MAP3K4: variants seen among roughly 807,000 people sequenced by gnomAD.
MAP3K4 encodes mitogen-activated protein kinase kinase kinase 4.
Under a neutral mutation model 185.6 loss-of-function variants are expected in MAP3K4, and 67 were observed. That is an observed-to-expected ratio of 0.36 (90% CI 0.30 to 0.44). The LOEUF (loss-of-function observed/expected upper bound fraction) is 0.44. Among genes scored for constraint, MAP3K4 ranks in the 20% least tolerant of loss-of-function variants. The probability of loss-of-function intolerance (pLI) is 1.00; values close to 1 mark genes in which losing one functional copy is unlikely to be tolerated. For missense variants in MAP3K4, 1,551 were observed against 1,995.1 expected, an observed-to-expected ratio of 0.78 and a Z score of 4.24; for synonymous variants, 702 against 710.4, an observed-to-expected ratio of 0.99 and a Z score of 0.19.
Position 161,048,355 on chromosome 6 carries a change from TAAAC to T in MAP3K4, c.344-259_344-256del. 1.6e-6 allele frequency: 1 copy of T among 640,550 alleles called. No homozygotes were observed. Among genetic ancestry groups the T allele is most frequent in the Non-Finnish European group, 3.0e-6 (1 of 338,290 alleles). 39.7% of individuals were successfully genotyped at this position (640,550 alleles called of 1,614,324 possible). ...CTATGCTTTGTAGCATAGAGAGAAA[TAAAC>T]AGCTAGTTTAGGTAATTAGTTGTGA... On this transcript the variant is annotated intron_variant, in intron 2 of 26. Transcript: ENST00000392142. This position sits in a 1 kb window ranked among gnomAD's most constrained non-coding sequence, Gnocchi z 4.7.
rs1307728757 is a variant in MAP3K4, at chr6:161,048,688, G to C, written c.416G>C (p.Ser139Thr). 5.0e-6 allele frequency: 8 copies of C among 1,613,654 alleles called. No individual in the cohort carries two copies. The highest frequency in any genetic ancestry group is 6.8e-6 in the Non-Finnish European group (8 of 1,179,828). Residue 139 changes from serine (S) to threonine (T), a missense_variant, in exon 3 of 27, where the codon AGC becomes ACC. By Grantham distance (58) the Ser-to-Thr change is moderately conservative (BLOSUM62 1). Transcript: ENST00000392142. This position sits in a 1 kb window ranked among gnomAD's most constrained non-coding sequence, Gnocchi z 4.7. ...GKTVENVEEY[S>T]YKQEKKIRAA... Reference sequence around the variant, plus strand: ...ACAGTGGAGAATGTGGAAGAATACAGCTATAAGCAGGAGAAAAAGATCCGA... The same window carrying C: ...ACAGTGGAGAATGTGGAAGAATACACCTATAAGCAGGAGAAAAAGATCCGA...
In MAP3K4 at chr6:161,115,320, A is replaced by T. The variant is rs1277550415; in HGVS notation, c.4806+18A>T. ...TTGTCAAGGTTTGGCAGATTACTGG[A>T]TAGTCTTTTTCATGTTTAAGTGTTT... On this transcript the variant is annotated intron_variant, in intron 26 of 26. Transcript: ENST00000392142. This position sits in a 1 kb window ranked among gnomAD's most constrained non-coding sequence, Gnocchi z 6.0. 6.3e-7 allele frequency: 1 copy of T among 1,594,222 alleles called. No homozygotes were observed. The highest frequency in any genetic ancestry group is 8.6e-7 in the Non-Finnish European group (1 of 1,167,710).
At position 161,086,158 on chromosome 6, in the gene MAP3K4, C is replaced by T. The variant is rs1007928953; in HGVS notation, c.2373-221C>T. Among the ~76,000 whole-genome samples, 27 of 152,138 alleles carry T rather than the reference C, an allele frequency of 1.8e-4. No homozygotes were observed. The highest frequency in any genetic ancestry group is 1.6e-3 in the Admixed American group (24 of 15,268). ...TTTGAAGGTTATTAAATGTGCCCTG[C>T]TTACATTGAAAGGATATGAATATTT... On this transcript the variant is annotated intron_variant, in intron 7 of 26. Transcript: ENST00000392142. This position sits in a 1 kb window ranked among gnomAD's most constrained non-coding sequence, Gnocchi z 4.8.
intron 23 of MAP3K4, 79 bp from the exon 24 acceptor site, chr6:161,111,757 C>A: frequency 1.5e-6 from 2 of 1,366,744 alleles, no homozygotes; most frequent in Non-Finnish European, 1.0e-6. Context: ...AATGAAGTTC[C>A]TGGTCGTTTA....
rs1374859419 is a variant in MAP3K4 at position 161,056,083 on chromosome 6, G to GT, written c.1707+6106dup. On this transcript the variant is annotated intron_variant, in intron 3 of 26. Transcript: ENST00000392142. The surrounding 1 kb of genome is among the most constrained non-coding windows in gnomAD (Gnocchi z 5.4). ...TGTTACTGATTTTGTTGCTCAGGCTGTTCTTGTTTTAGCCCATTGGAGCTC... is the reference window on the plus strand; with the variant it reads ...TGTTACTGATTTTGTTGCTCAGGCTGTTTCTTGTTTTAGCCCATTGGAGCTC... Among the ~76,000 whole-genome samples, 1 of 152,170 alleles carries GT rather than the reference G, an allele frequency of 6.6e-6. No individual in the cohort carries two copies. Among genetic ancestry groups the GT allele is most frequent in the Non-Finnish European group, 1.5e-5 (1 of 68,030 alleles).
intron 1 of MAP3K4, among the ~76,000 whole-genome samples, chr6:161,000,711 C>T (rs1781226183): frequency 6.6e-6 from 1 of 151,702 alleles, no homozygotes; most frequent in South Asian, 2.1e-4. Flanking sequence ...TATATGTGTA[C>T]ACCATATATA....
Position 161,087,902 on chromosome 6 carries a change from C to G in MAP3K4, c.2771C>G (p.Pro924Arg), listed in dbSNP as rs758821045. 33 of 1,613,964 alleles carry G rather than the reference C, an allele frequency of 2.0e-5. No individual in the cohort carries two copies. The highest frequency in any genetic ancestry group is 4.0e-5 in the African/African-American group (3 of 74,926). The change falls in exon 10 of 27, where the codon CCT becomes CGT. Residue 924 changes from proline to arginine, a missense_variant. By Grantham distance (103) the Pro-to-Arg change is moderately radical. This residue lies in a region of MAP3K4 where 261 missense variants were observed against 306.5 expected (regional missense o/e 0.85). Transcript: ENST00000392142. The surrounding 1 kb of genome is among the most constrained non-coding windows in gnomAD (Gnocchi z 4.9). ...EDSWGTWEAQ[P>R]VKVVPQVETV... ...AGCTGGGGCACCTGGGAGGCACAGC[C>G]TGTCAAAGTCGTGCCTCAGGTGGAG...
At chr6:161,026,191 C>T (rs143847229) in intron 1 of MAP3K4, among the ~76,000 whole-genome samples, 5,981 of 151,834 alleles carry the variant, frequency 0.039, 164 homozygotes, top group South Asian at 0.087. Flanking sequence ...AGTGCAGTGG[C>T]GCGATCTCGG....
intron 15 of MAP3K4, among the ~76,000 whole-genome samples, chr6:161,094,858 A>G (rs1207676564): frequency 6.6e-6 from 1 of 152,238 alleles, no homozygotes; most frequent in Non-Finnish European, 1.5e-5. Context: ...ATTTTCTGAT[A>G]TCCTAAAACA....
chr6:161,096,244 G>GA lies in MAP3K4; in HGVS notation c.3428-833dup, dbSNP rs1562537049. On this transcript the variant is annotated intron_variant, in intron 15 of 26. Transcript: ENST00000392142. This position sits in a 1 kb window ranked among gnomAD's most constrained non-coding sequence, Gnocchi z 4.9. ...TATTAATAGGAAACAAAATCATGAA[G>GA]AAACAGGATTTCCATTTAGGATAAA... 6.6e-6 allele frequency among the ~76,000 whole-genome samples: 1 copy of GA among 151,640 alleles called. No individual in the cohort carries two copies. Among genetic ancestry groups the GA allele is most frequent in the African/African-American group, 2.4e-5 (1 of 41,084 alleles).
rs1214785705 is a variant in MAP3K4 at position 161,080,385 on chromosome 6, A to G, written c.2098-496A>G. Among the ~76,000 whole-genome samples, 1 of 152,166 alleles carries G rather than the reference A, an allele frequency of 6.6e-6. No homozygotes were observed. The highest frequency in any genetic ancestry group is 1.5e-5 in the Non-Finnish European group (1 of 68,032). ...CTGGATATTTTGGTTTTAGATCATC[A>G]TTTATATGTTGCAAGCCTTGAAAAC... On this transcript the variant is annotated intron_variant, in intron 5 of 26. Coordinates refer to ENST00000392142, the MANE Select transcript of MAP3K4 (RefSeq NM_005922.4). The surrounding 1 kb of genome is among the most constrained non-coding windows in gnomAD (Gnocchi z 4.8).
chr6:160,991,927 C>T lies in MAP3K4; in HGVS notation c.-5C>T. On this transcript the variant is annotated 5_prime_UTR_variant, in exon 1 of 27. Transcript: ENST00000392142. This position sits in a 1 kb window ranked among gnomAD's most constrained non-coding sequence, Gnocchi z 5.7. Reference sequence around the variant, plus strand: ...CGCCGCGGCCATGCGGGGCTCCGTGCACGGATGAGAGAAGCCGCTGCCGCG... The same window carrying T: ...CGCCGCGGCCATGCGGGGCTCCGTGTACGGATGAGAGAAGCCGCTGCCGCG... The T allele has an allele frequency of 1.3e-6, 2 of 1,533,000 alleles. No individual in the cohort carries two copies. The highest frequency in any genetic ancestry group is 1.7e-6 in the Non-Finnish European group (2 of 1,147,990). 95.0% of individuals were successfully genotyped at this position (1,533,000 alleles called of 1,614,324 possible). A position where few individuals can be genotyped will look rare whatever the true frequency, so the allele number is the denominator to read the frequency against.
Position 161,098,348 on chromosome 6 carries a change from GC to G in MAP3K4, c.3596del (p.Ala1199ValfsTer40). The G allele has an allele frequency of 6.2e-7, 1 of 1,612,900 alleles. No homozygotes were observed. The highest frequency in any genetic ancestry group is 8.5e-7 in the Non-Finnish European group (1 of 1,179,790). On this transcript the variant is annotated frameshift_variant, in exon 17 of 27. Coordinates refer to ENST00000392142, the MANE Select transcript of MAP3K4 (RefSeq NM_005922.4). LOFTEE classifies it high-confidence loss of function. The surrounding 1 kb of genome is among the most constrained non-coding windows in gnomAD (Gnocchi z 4.4). ...PAAAAAAAAA[A>X]VAASRPSPSG... Reference sequence around the variant, plus strand: ...TGCTGCTGCTGCTGCTGCTGCTGCTGCTGTTGCTGCCAGTCGGCCCAGCCCC... The same window carrying G: ...TGCTGCTGCTGCTGCTGCTGCTGCTGTGTTGCTGCCAGTCGGCCCAGCCCC...
At chr6:161,046,486 T>G (rs897281408) in intron 2 of MAP3K4, among the ~76,000 whole-genome samples, 21 of 150,254 alleles carry the variant, frequency 1.4e-4, no homozygotes, top group Non-Finnish European at 1.0e-4. Flanking sequence ...AGATTAGTAC[T>G]AAAGATAAAA....
chr6:161,047,762 A>C (rs947296689), intron 2 of MAP3K4, among the ~76,000 whole-genome samples: 1 of 152,194 alleles, frequency 6.6e-6, no homozygotes, highest in Admixed American at 6.5e-5. Flanking sequence ...GAATGAAAGG[A>C]TTTCAGTAAC....
At position 161,112,790 on chromosome 6, in the gene MAP3K4, A is replaced by C; in HGVS notation, c.4626+16A>C. 1 of 1,544,910 alleles carries C rather than the reference A, an allele frequency of 6.5e-7. No homozygotes were observed. Among genetic ancestry groups the C allele is most frequent in the Non-Finnish European group, 8.7e-7 (1 of 1,147,724 alleles). The stretch of plus-strand genomic sequence containing the variant: ...GACTGGCAAGGTAAGCGGAGCCCCC[A>C]CACCTGGCGGAGCAACTTCAGAAGG... On this transcript the variant is annotated intron_variant, in intron 25 of 26. Coordinates refer to ENST00000392142, the MANE Select transcript of MAP3K4 (RefSeq NM_005922.4). The surrounding 1 kb of genome is among the most constrained non-coding windows in gnomAD (Gnocchi z 5.1).
rs1583167094 is a variant in MAP3K4, at chr6:161,049,846, T to C, written c.1574T>C (p.Ile525Thr). The change falls in exon 3 of 27, where the codon ATT becomes ACT. Residue 525 changes from isoleucine (I) to threonine (T), a missense_variant. Physicochemically the swap from Ile to Thr is moderately conservative, Grantham distance 89. Transcript: ENST00000392142. The surrounding 1 kb of genome is among the most constrained non-coding windows in gnomAD (Gnocchi z 8.4). ...TTTAGTAGACATTGTCTGACTTCTA[T>C]TTATAGACCATTTGTAGACAAAGCA... Reference protein sequence around the residue: ...AGFSRHCLTSIYRPFVDKALK... With the variant: ...AGFSRHCLTSTYRPFVDKALK... 1.2e-6 allele frequency: 2 copies of C among 1,614,126 alleles called. No homozygotes were observed. The highest frequency in any genetic ancestry group is 1.3e-5 in the African/African-American group (1 of 75,028).
chr6:161,046,299 C>T (rs1232942846), intron 2 of MAP3K4, among the ~76,000 whole-genome samples: 2 of 152,040 alleles, frequency 1.3e-5, no homozygotes, highest in African/African-American at 2.4e-5. Context: ...TGTATGTGCT[C>T]TGTTAATAAA....
chr6:161,023,995 C>A (rs1309102780), intron 1 of MAP3K4, among the ~76,000 whole-genome samples: 1 of 152,054 alleles, frequency 6.6e-6, no homozygotes, highest in Non-Finnish European at 1.5e-5. Context: ...GAGACAGAGT[C>A]TCACTCAGTT....
Sources: allele counts gnomAD v4.1 joint callset (sites outside exome capture counted in the v4.1 genomes callset), GRCh38; gene constraint gnomAD v4.1.1; regional missense constraint gnomAD v4.1.1; non-coding constraint Gnocchi (gnomAD v3.1); transcripts MANE v1.5; gene names NCBI Gene and HGNC (gene_info 2026-07-23, HGNC 2026-07-21).